Variants in VTI1A observed in about 807,000 individuals in gnomAD.
VTI1A encodes the protein vesicle transport through interaction with t-SNAREs homolog 1A.
A neutral mutation model predicts 34.9 loss-of-function variants in VTI1A; 22 were observed. That is an observed-to-expected ratio of 0.63 (90% CI 0.45 to 0.90). The LOEUF is 0.90. VTI1A is among the 40% of genes least tolerant of loss of function. VTI1A has a pLI of 0.00. For missense variants in VTI1A, 268 were observed against 275.6 expected, an observed-to-expected ratio of 0.97 and a Z score of 0.20; for synonymous variants, 87 against 97.3, an observed-to-expected ratio of 0.89 and a Z score of 0.62.
chr10:112,587,415 T>TA (rs567932843), intron 5 of VTI1A, among the ~76,000 whole-genome samples: 175 of 152,008 alleles, frequency 1.2e-3, no homozygotes, highest in African/African-American at 4.1e-3. Context: ...AAAGCTGGCA[T>TA]AAAAAAATAA....
intron 5 of VTI1A, among the ~76,000 whole-genome samples, chr10:112,566,548 T>TCTC (rs1851909311): frequency 1.3e-5 from 2 of 152,198 alleles, no homozygotes; most frequent in African/African-American, 4.8e-5. Context: ...GCGAAAATAC[T>TCTC]CTGTGTAAAT....
At chr10:112,697,023 A>G (rs1028772959) in intron 7 of VTI1A, among the ~76,000 whole-genome samples, 4 of 152,164 alleles carry the variant, frequency 2.6e-5, no homozygotes, top group African/African-American at 9.7e-5. Flanking sequence ...TTTTTTTCTA[A>G]TGATGTATCA....
chr10:112,563,308 A>G (rs1350439169), intron 5 of VTI1A, among the ~76,000 whole-genome samples: 1 of 152,206 alleles, frequency 6.6e-6, no homozygotes, highest in African/African-American at 2.4e-5. Flanking sequence ...GACTGCAAAC[A>G]AAGACTATAA....
chr10:112,839,367 C>T, the VTI1A span, among the ~76,000 whole-genome samples: 2 of 152,058 alleles, frequency 1.3e-5, no homozygotes, highest in African/African-American at 2.4e-5. Flanking sequence ...GAGGAGGTGA[C>T]GCCTGAGCTG....
At chr10:112,830,849 ATTTTTT>A in the VTI1A span, among the ~76,000 whole-genome samples, 8 of 33,486 alleles carry the variant, frequency 2.4e-4, no homozygotes, top group East Asian at 2.9e-3. Flanking sequence ...ATATATATAT[ATTTTTT>A]TTTTTTTTCT....
intron 7 of VTI1A, chr10:112,737,514 G>C: frequency 1.9e-6 from 2 of 1,049,982 alleles, no homozygotes; most frequent in Non-Finnish European, 2.3e-6. Flanking sequence ...TGCCTTAGAC[G>C]GGGTGTGCAG....
At chr10:112,785,572 C>A (rs987666581) in intron 7 of VTI1A, among the ~76,000 whole-genome samples, 5 of 152,064 alleles carry the variant, frequency 3.3e-5, no homozygotes, top group Non-Finnish European at 5.9e-5. Context: ...ACCTAAAAAT[C>A]TTTGCCTGTC....
chr10:112,830,849 A>ATATATATATTTTTTTTTTT, the VTI1A span, among the ~76,000 whole-genome samples: 30 of 33,488 alleles, frequency 9.0e-4, no homozygotes, highest in East Asian at 1.5e-3. Context: ...ATATATATAT[A>ATATATATATTTTTTTTTTT]TTTTTTTTTT....
In VTI1A at chr10:112,627,234, G is replaced by C. The variant is rs192782427; in HGVS notation, c.428-40984G>C. Among the ~76,000 whole-genome samples, 17 of 152,246 alleles carry C rather than the reference G, an allele frequency of 1.1e-4. No homozygotes were observed. The East Asian group carries it at 3.3e-3, about 29-fold the overall frequency. ...TCTATTTTTAACAAACTGGACAGGT[G>C]CATGCATAGTTGAGAATGACCACCT... On this transcript the variant is annotated intron_variant, in intron 5 of 7. Transcript: ENST00000393077.
chr10:112,849,872 C>T, the VTI1A span, among the ~76,000 whole-genome samples: 7 of 152,190 alleles, frequency 4.6e-5, no homozygotes, highest in East Asian at 1.9e-4. Context: ...AAAGGCAGCC[C>T]TGGCGAGGTG....
chr10:112,618,520 T>TAGAGAGAGAGAGAGAGAGAGAG (rs1249234028), intron 5 of VTI1A, among the ~76,000 whole-genome samples: 21 of 46,184 alleles, frequency 4.5e-4, no homozygotes, highest in East Asian at 1.8e-3. Context: ...TATATATATA[T>TAGAGAGAGAGAGAGAGAGAGAG]ATATAGAGAG....
chr10:112,758,036 T>C (rs1851346315), intron 7 of VTI1A, among the ~76,000 whole-genome samples: 1 of 152,226 alleles, frequency 6.6e-6, no homozygotes, highest in African/African-American at 2.4e-5. Context: ...TGCATGTAAG[T>C]ATTGTCATTT....
intron 5 of VTI1A, among the ~76,000 whole-genome samples, chr10:112,594,756 A>G (rs923450973): frequency 1.5e-3 from 233 of 151,398 alleles, no homozygotes; most frequent in African/African-American, 4.8e-3. Context: ...TATAGATTCA[A>G]TGCCATCCCC....
At chr10:112,608,604 C>G (rs915022720) in intron 5 of VTI1A, among the ~76,000 whole-genome samples, 3 of 151,928 alleles carry the variant, frequency 2.0e-5, no homozygotes, top group African/African-American at 7.3e-5. Context: ...ATATGATGAC[C>G]TTACAATAAG....
At position 112,568,167 on chromosome 10, in the gene VTI1A, T is replaced by A. The variant is rs201660451; in HGVS notation, c.427+29837T>A. On this transcript the variant is annotated intron_variant, in intron 5 of 7. Coordinates refer to ENST00000393077, the MANE Select transcript of VTI1A (RefSeq NM_145206.4). ...GATATTCTGGACAGAGAAAAAAAAA[T>A]AAGTTTGTGGTCTCAGAAGCACCAA... Among the ~76,000 whole-genome samples, 123 of 137,566 alleles carry A rather than the reference T, an allele frequency of 8.9e-4. 1 individual carries two copies. Among genetic ancestry groups the A allele is most frequent in the African/African-American group, 5.4e-4 (20 of 37,170 alleles). The allele number at this position is 137,566 out of a possible 152,430, so 90.2% of individuals were successfully genotyped here.
intron 7 of VTI1A, among the ~76,000 whole-genome samples, chr10:112,720,839 T>C (rs780692274): frequency 6.6e-6 from 1 of 152,134 alleles, no homozygotes; most frequent in Non-Finnish European, 1.5e-5. Context: ...AGAGGTGAAA[T>C]ATGTGGGTCA....
the VTI1A span, among the ~76,000 whole-genome samples, chr10:112,834,228 C>G: frequency 2.0e-5 from 3 of 152,164 alleles, no homozygotes; most frequent in African/African-American, 4.8e-5. Context: ...CCAGCCCACA[C>G]CCCCGCCCCA....
intron 7 of VTI1A, among the ~76,000 whole-genome samples, chr10:112,734,769 C>G (rs1031508697): frequency 1.8e-4 from 27 of 151,792 alleles, no homozygotes; most frequent in Admixed American, 7.2e-4. Context: ...TCTCGTGCCT[C>G]AGCCTCCCGA....
chr10:112,614,582 T>C (rs1250253251), intron 5 of VTI1A, among the ~76,000 whole-genome samples: 1 of 152,244 alleles, frequency 6.6e-6, no homozygotes, highest in African/African-American at 2.4e-5. Flanking sequence ...GTTTGTTTTC[T>C]GTACCTAGAT....
Sources: allele counts gnomAD v4.1 joint callset (sites outside exome capture counted in the v4.1 genomes callset), GRCh38; gene constraint gnomAD v4.1.1; transcripts MANE v1.5; gene names NCBI Gene and HGNC (gene_info 2026-07-23, HGNC 2026-07-21).